Variants in PIGQ observed in about 807,000 individuals in gnomAD.
PIGQ encodes the protein phosphatidylinositol N-acetylglucosaminyltransferase subunit Q.
PIGQ carries 54 observed loss-of-function variants against 60.3 expected under a neutral mutation model. The ratio of observed to expected loss-of-function variants is 0.90; its 90% confidence interval spans 0.72 to 1.12. The LOEUF (loss-of-function observed/expected upper bound fraction) is 1.12, where lower values mean the gene tolerates loss of function less well. Among genes scored for constraint, PIGQ ranks in the 50% most tolerant of loss-of-function variants. The pLI, the probability that PIGQ is intolerant of heterozygous loss-of-function variation, is 0.00. For synonymous variants in PIGQ, 416 were observed against 363.7 expected (o/e 1.14, Z -1.64); for missense variants, 799 against 793.5 (o/e 1.01, Z -0.08).
At position 580,927 on chromosome 16, in the gene PIGQ, C is replaced by A. The variant is rs1371123217; in HGVS notation, c.1486C>A (p.Leu496Met). ...CGTGGACCTCATCAACTCCCTGCCG[C>A]TGTACTCACTGGGTCTTCGGCTCTG... is the stretch of plus-strand genomic sequence containing the variant. ...LLVDLINSLPLYSLGLRLCRP... is the reference protein window; with the variant it reads ...LLVDLINSLPMYSLGLRLCRP... The change falls in exon 9 of 11, where the codon CTG becomes ATG. Residue 496 changes from leucine (L) to methionine (M), a missense_variant. Coordinates refer to ENST00000321878, the MANE Select transcript of PIGQ (RefSeq NM_004204.5). 6.2e-7 allele frequency: 1 copy of A among 1,610,768 alleles called. No homozygotes were observed. Among genetic ancestry groups the A allele is most frequent in the Admixed American group, 1.7e-5 (1 of 60,036 alleles).
rs546069451 is a variant in PIGQ at position 580,080 on chromosome 16, G to A, written c.1336-103G>A. Reference sequence around the variant, plus strand: ...CCATCCCGAGTTCCCTCAGGAAGCCGCAAGGTCCCGACTGCAGCTCCGGGA... The same window carrying A: ...CCATCCCGAGTTCCCTCAGGAAGCCACAAGGTCCCGACTGCAGCTCCGGGA... On this transcript the variant is annotated intron_variant, in intron 7 of 10. Coordinates refer to ENST00000321878, the MANE Select transcript of PIGQ (RefSeq NM_004204.5). The A allele has an allele frequency of 2.7e-5, 22 of 805,368 alleles. 1 individual carries two copies. In the South Asian group the frequency reaches 3.5e-4, roughly 13 times the overall value. 49.9% of individuals were successfully genotyped at this position (805,368 alleles called of 1,614,324 possible). A position where few individuals can be genotyped will look rare whatever the true frequency, so the allele number is the denominator to read the frequency against.
intron 4 of PIGQ, 163 bp downstream of exon 4, chr16:576,417 G>GCCCC: frequency 2.4e-6 from 2 of 845,064 alleles, no homozygotes; most frequent in Non-Finnish European, 3.6e-6. Flanking sequence ...GGAACTCCAG[G>GCCCC]GGCGCTGGGG....
rs779289780 is a variant in PIGQ, at chr16:574,113, G to C, written c.39G>C (p.Ser13=). The change falls in exon 2 of 11, where the codon TCG becomes TCC. Residue 13 remains serine (S), a synonymous_variant. Transcript: ENST00000321878. ...LKAFFPTCCV[S]TDSGLLVGRW... Reference sequence around the variant, plus strand: ...CCTTCTTCCCCACGTGCTGCGTCTCGACGGACAGCGGGCTGCTGGTGGGAC... The same window carrying C: ...CCTTCTTCCCCACGTGCTGCGTCTCCACGGACAGCGGGCTGCTGGTGGGAC... 4 of 1,610,328 alleles carry C rather than the reference G, an allele frequency of 2.5e-6. No individual in the cohort carries two copies. The Admixed American group carries it at 5.0e-5, about 20-fold the overall frequency.
Position 584,048 on chromosome 16 carries a change from G to A in PIGQ, c.*1013G>A. On this transcript the variant is annotated 3_prime_UTR_variant, in exon 11 of 11. Coordinates refer to ENST00000321878, the MANE Select transcript of PIGQ (RefSeq NM_004204.5). Reference sequence around the variant, plus strand: ...GCACCAGGACTGCCTGGGACTCCCTGGCAACCCAGCACCGGGGAAGCCGTC... The same window carrying A: ...GCACCAGGACTGCCTGGGACTCCCTAGCAACCCAGCACCGGGGAAGCCGTC... 3.2e-6 allele frequency: 1 copy of A among 315,824 alleles called. No individual in the cohort carries two copies. The allele number at this position is 315,824 out of a possible 1,614,324, so 19.6% of individuals were successfully genotyped here.
Position 571,571 on chromosome 16 carries a change from C to CGTGTGTGTGT in PIGQ, c.-10+1491_-10+1500dup, listed in dbSNP as rs4006743. Among the ~76,000 whole-genome samples, 239 of 87,306 alleles carry CGTGTGTGTGT rather than the reference C, an allele frequency of 2.7e-3. 4 individuals carry two copies. The highest frequency in any genetic ancestry group is 0.01 in the African/African-American group (194 of 18,676). The allele number at this position is 87,306 out of a possible 152,430, so 57.3% of individuals were successfully genotyped here. A position where few individuals can be genotyped will look rare whatever the true frequency, so the allele number is the denominator to read the frequency against. On this transcript the variant is annotated intron_variant, in intron 1 of 10. Transcript: ENST00000321878. ...GTGTGTGTCTGGCTAGCCTGGTGCC[C>CGTGTGTGTGT]GTGTGTGTGTGTGTGTGTGTGTGTG...
At chr16:576,426 G>T in intron 4 of PIGQ, 172 bp downstream of exon 4, 1 of 778,434 alleles carries the variant, frequency 1.3e-6, no homozygotes, top group African/African-American at 1.7e-5. Context: ...GGGGCGCTGG[G>T]GCCTGGGCAG....
At chr16:579,218 C>T (rs926284815) in intron 7 of PIGQ, 38 bp downstream of exon 7, 10 of 1,543,438 alleles carry the variant, frequency 6.5e-6, no homozygotes, top group African/African-American at 2.7e-5. Context: ...GGCTGACTGC[C>T]TCCGGCCTGT....
At chr16:578,693 T>C in intron 5 of PIGQ, 92 bp from the exon 6 acceptor site, 1 of 1,499,400 alleles carries the variant, frequency 6.7e-7, no homozygotes, top group African/African-American at 1.4e-5. Flanking sequence ...CCTGCCAGGC[T>C]ACACGCACCT....
intron 4 of PIGQ, among the ~76,000 whole-genome samples, chr16:577,460 C>T (rs2151046444): frequency 6.6e-6 from 1 of 151,982 alleles, no homozygotes; most frequent in South Asian, 2.1e-4. Flanking sequence ...ACCTGTAGTC[C>T]CAGCTAATTG....
At chr16:577,395 G>GA (rs2035737057) in intron 4 of PIGQ, among the ~76,000 whole-genome samples, 1 of 151,684 alleles carries the variant, frequency 6.6e-6, no homozygotes, top group Non-Finnish European at 1.5e-5. Flanking sequence ...GGCTAACACA[G>GA]TGAAATCCCG....
In PIGQ at chr16:580,261, C is replaced by G. The variant is rs762717093; in HGVS notation, c.1414C>G (p.Leu472Val). ...AGCCCTGTACTACCTGGTGTTCACC[C>G]TGGTGAGCTGAGCACCCACAGGCTG... ...TTALYYLVFTLLRLLVVAVQG... is the reference protein window; with the variant it reads ...TTALYYLVFTVLRLLVVAVQG... Residue 472 changes from leucine (L) to valine (V), a missense_variant and splice_region_variant, in exon 8 of 11, where the codon CTG becomes GTG. Coordinates refer to ENST00000321878, the MANE Select transcript of PIGQ (RefSeq NM_004204.5). The G allele has an allele frequency of 1.9e-6, 3 of 1,606,192 alleles. No individual in the cohort carries two copies. Among genetic ancestry groups the G allele is most frequent in the East Asian group, 2.2e-5 (1 of 44,800 alleles).
chr16:583,655 G>T lies in PIGQ; in HGVS notation c.*620G>T. On this transcript the variant is annotated 3_prime_UTR_variant, in exon 11 of 11. Transcript: ENST00000321878. The stretch of plus-strand genomic sequence containing the variant: ...TGTGAAGAAACCATCAGCAGGCTGT[G>T]AGCATCGCCAGGCTGCTGTGGGGGC... 1 of 1,611,732 alleles carries T rather than the reference G, an allele frequency of 6.2e-7. No individual in the cohort carries two copies. Among genetic ancestry groups the T allele is most frequent in the South Asian group, 1.1e-5 (1 of 91,054 alleles).
At chr16:572,819 C>T (rs1383682286) in intron 1 of PIGQ, among the ~76,000 whole-genome samples, 7 of 152,172 alleles carry the variant, frequency 4.6e-5, no homozygotes, top group Non-Finnish European at 8.8e-5. Context: ...TCCAGGCGTC[C>T]CGCTCTGTTC....
chr16:574,313 T>C lies in PIGQ; in HGVS notation c.239T>C (p.Phe80Ser), dbSNP rs752407549. 2.5e-6 allele frequency: 4 copies of C among 1,607,090 alleles called. No homozygotes were observed. The highest frequency in any genetic ancestry group is 3.4e-6 in the Non-Finnish European group (4 of 1,179,228). Residue 80 changes from phenylalanine to serine, a missense_variant, in exon 2 of 11, where the codon TTC (phenylalanine) becomes TCC (serine). By Grantham distance (155) the Phe-to-Ser change is radical (BLOSUM62 -2). Transcript: ENST00000321878. ...RQEPEESLGR[F>S]LESLGAVFPH... ...GAGCCCGAGGAGAGCCTGGGCCGCT[T>C]CCTGGAGAGCCTGGGTGCTGTCTTC... is the stretch of plus-strand genomic sequence containing the variant.
intron 4 of PIGQ, chr16:576,804 G>C (rs1019696916): frequency 2.6e-5 from 9 of 344,678 alleles, no homozygotes; most frequent in African/African-American, 1.5e-4. Context: ...TGCAGATCTA[G>C]TGCATTTCCA....
Position 579,197 on chromosome 16 carries a change from G to C in PIGQ, c.1335+17G>C. 2 of 1,596,298 alleles carry C rather than the reference G, an allele frequency of 1.3e-6. No individual in the cohort carries two copies. The highest frequency in any genetic ancestry group is 2.2e-5 in the East Asian group (1 of 44,748). ...CTGGACCAGGTATGGGGCAGGGTTCGTGGCTGGAGGGGCTGACTGCCTCCG... is the reference window on the plus strand; with the variant it reads ...CTGGACCAGGTATGGGGCAGGGTTCCTGGCTGGAGGGGCTGACTGCCTCCG... On this transcript the variant is annotated intron_variant, in intron 7 of 10. Coordinates refer to ENST00000321878, the MANE Select transcript of PIGQ (RefSeq NM_004204.5).
At chr16:576,327 G>T in intron 4 of PIGQ, 73 bp downstream of exon 4, 1 of 1,471,446 alleles carries the variant, frequency 6.8e-7, no homozygotes, top group Non-Finnish European at 9.1e-7. Flanking sequence ...GAGCCTTCCC[G>T]GGCCAGAGCC....
chr16:572,062 C>T (rs977906733), intron 1 of PIGQ, among the ~76,000 whole-genome samples: 3 of 152,120 alleles, frequency 2.0e-5, no homozygotes, highest in African/African-American at 7.2e-5. Context: ...GTTTCTTTTC[C>T]GACGATATCT....
Position 574,110 on chromosome 16 carries a change from C to G in PIGQ, c.36C>G (p.Val12=). The G allele has an allele frequency of 6.2e-7, 1 of 1,610,050 alleles. No homozygotes were observed. The stretch of plus-strand genomic sequence containing the variant: ...AGGCCTTCTTCCCCACGTGCTGCGT[C>G]TCGACGGACAGCGGGCTGCTGGTGG... The part of the protein sequence containing the change: ...VLKAFFPTCC[V]STDSGLLVGR... The change falls in exon 2 of 11, where the codon GTC becomes GTG. Residue 12 remains valine (V), a synonymous_variant. Transcript: ENST00000321878.
Sources: allele counts gnomAD v4.1 joint callset (sites outside exome capture counted in the v4.1 genomes callset), GRCh38; gene constraint gnomAD v4.1.1; transcripts MANE v1.5; gene names NCBI Gene and HGNC (gene_info 2026-07-23, HGNC 2026-07-21).